ATXN2: variants seen among roughly 807,000 people sequenced by gnomAD.
ATXN2 encodes the protein ataxin-2.
In ATXN2, 37 loss-of-function variants were observed where a neutral mutation model predicts 138.6. The ratio of observed to expected loss-of-function variants is 0.27; its 90% CI spans 0.21 to 0.35. The LOEUF (loss-of-function observed/expected upper bound fraction) is 0.35, where lower values mean the gene tolerates loss of function less well. Ranked by LOEUF, ATXN2 falls within the 10% of genes least tolerant of loss-of-function variation. The pLI is 1.00. For missense variants in ATXN2, 1,216 were observed against 1,480.3 expected, an observed-to-expected ratio of 0.82 and a Z score of 2.93; for synonymous variants, 549 against 543.7, an observed-to-expected ratio of 1.01 and a Z score of -0.13.
In ATXN2 at chr12:111,495,645, A is replaced by T. The variant is rs183004070; in HGVS notation, c.1936-6865T>A. ...GAAACAGACCTCAGTAACAGTCGGA[A>T]ACTTCAACACCCCACTCTCAGCAAT... is the stretch of plus-strand genomic sequence containing the variant. On this transcript the variant is annotated intron_variant, in intron 14 of 24. Coordinates refer to ENST00000673436, the MANE Select transcript of ATXN2 (RefSeq NM_001372574.1). Among the ~76,000 whole-genome samples, 32 of 152,306 alleles carry T rather than the reference A, an allele frequency of 2.1e-4. No individual in the cohort carries two copies. The East Asian group carries it at 3.9e-3, about 18-fold the overall frequency.
chr12:111,466,939 G>C (rs545008890), intron 20 of ATXN2, among the ~76,000 whole-genome samples: 1 of 152,056 alleles, frequency 6.6e-6, no homozygotes, highest in East Asian at 1.9e-4. Flanking sequence ...AAATTGTTCA[G>C]GGAAGATGAG....
chr12:111,563,162 G>A (rs1308550951), intron 1 of ATXN2, among the ~76,000 whole-genome samples: 1 of 152,144 alleles, frequency 6.6e-6, no homozygotes, highest in Non-Finnish European at 1.5e-5. Flanking sequence ...CTTCAAAAGT[G>A]TCAAGTCATA....
chr12:111,486,215 T>C (rs1262649317), intron 16 of ATXN2, among the ~76,000 whole-genome samples: 1 of 152,232 alleles, frequency 6.6e-6, no homozygotes, highest in Non-Finnish European at 1.5e-5. Context: ...TTGGTTACAG[T>C]ACCCTGTGAA....
At chr12:111,570,841 T>G (rs879928844) in intron 1 of ATXN2, among the ~76,000 whole-genome samples, 1 of 152,210 alleles carries the variant, frequency 6.6e-6, no homozygotes, top group Admixed American at 6.5e-5. Context: ...TCTGACAGCA[T>G]CAAATGTGTA....
intron 21 of ATXN2, among the ~76,000 whole-genome samples, chr12:111,463,491 G>A (rs929922314): frequency 6.6e-6 from 1 of 152,126 alleles, no homozygotes; most frequent in Non-Finnish European, 1.5e-5. Context: ...TGGCCAGGCT[G>A]TTCTCGAACT....
At chr12:111,593,080 T>TTTTGTTTG (rs899049023) in intron 1 of ATXN2, among the ~76,000 whole-genome samples, 1 of 151,566 alleles carries the variant, frequency 6.6e-6, no homozygotes, top group Admixed American at 6.6e-5. Context: ...ATCCTCCTTT[T>TTTTGTTTG]TTTGTTTGTT....
At chr12:111,533,688 G>A (rs1880980676) in intron 5 of ATXN2, among the ~76,000 whole-genome samples, 1 of 152,118 alleles carries the variant, frequency 6.6e-6, no homozygotes. Flanking sequence ...ACCATGGCCA[G>A]CTAATTTTTT....
rs138023593 is a variant in ATXN2, at chr12:111,522,369, G to A, written c.697-1396C>T. On this transcript the variant is annotated intron_variant, in intron 6 of 24. Transcript: ENST00000673436. ...CTCATGCCTGGTATCCCAGCACTTT[G>A]GGAGGCCGAGGCAGGAGGATCACGA... Among the ~76,000 whole-genome samples, 4 of 152,318 alleles carry A rather than the reference G, an allele frequency of 2.6e-5. No individual in the cohort carries two copies. In the East Asian group the frequency reaches 5.8e-4, roughly 22 times the overall value.
chr12:111,537,595 G>GA (rs75118403), intron 5 of ATXN2, among the ~76,000 whole-genome samples: 11 of 133,580 alleles, frequency 8.2e-5, no homozygotes, highest in African/African-American at 2.3e-4. Context: ...AAAAAAAAAA[G>GA]AAAAAAAAAG....
chr12:111,488,663 T>C lies in ATXN2; in HGVS notation c.2053A>G (p.Ile685Val). 2 of 1,614,088 alleles carry C rather than the reference T, an allele frequency of 1.2e-6. No homozygotes were observed. The highest frequency in any genetic ancestry group is 2.2e-5 in the South Asian group (2 of 91,076). ...KIEPSAKDSF[I>V]ENSSSNCTSG... is the part of the protein sequence containing the mutation. ...GTACAGTTGCTGCTGCTATTTTCAATGAAAGAATCCTTAGCACTTGGTTCA... is the reference window on the plus strand; with the variant it reads ...GTACAGTTGCTGCTGCTATTTTCAACGAAAGAATCCTTAGCACTTGGTTCA... The change falls in exon 15 of 25, where the codon ATT (isoleucine) becomes GTT (valine). Residue 685 changes from isoleucine (I) to valine (V), a missense_variant. Around this residue, in one of 4 missense-constraint regions of ATXN2, gnomAD observed 490 missense variants for 653.5 expected, o/e 0.75. Transcript: ENST00000673436.
At chr12:111,504,890 C>G (rs1474551597) in intron 14 of ATXN2, among the ~76,000 whole-genome samples, 1 of 152,028 alleles carries the variant, frequency 6.6e-6, no homozygotes, top group African/African-American at 2.4e-5. Context: ...AAAGGGGTCC[C>G]GATCCAGACC....
chr12:111,572,588 G>A (rs1883390870), intron 1 of ATXN2, among the ~76,000 whole-genome samples: 1 of 152,132 alleles, frequency 6.6e-6, no homozygotes, highest in Non-Finnish European at 1.5e-5. Flanking sequence ...TAAACCCATG[G>A]ATAAAATTAA....
intron 18 of ATXN2, among the ~76,000 whole-genome samples, chr12:111,478,371 G>A (rs10160956): frequency 0.11 from 15,984 of 151,982 alleles, 2,823 homozygotes; most frequent in African/African-American, 0.36. Flanking sequence ...GCACCACTGC[G>A]TTCCAGCCTG....
intron 22 of ATXN2, 96 bp downstream of exon 22, chr12:111,457,118 C>A: frequency 7.1e-7 from 1 of 1,418,262 alleles, no homozygotes; most frequent in Non-Finnish European, 9.6e-7. Flanking sequence ...GTGGACATGC[C>A]ATGTGTTCTG....
chr12:111,463,097 A>G (rs1875716723), intron 21 of ATXN2, among the ~76,000 whole-genome samples: 1 of 152,180 alleles, frequency 6.6e-6, no homozygotes, highest in African/African-American at 2.4e-5. Context: ...AAATGCTAAT[A>G]TGGCATTTAG....
At chr12:111,569,612 G>C (rs1315148262) in intron 1 of ATXN2, among the ~76,000 whole-genome samples, 1 of 152,024 alleles carries the variant, frequency 6.6e-6, no homozygotes, top group Admixed American at 6.6e-5. Context: ...AGTTACTTGG[G>C]AGCTGAGGTG....
chr12:111,476,367 T>C (rs768829267), intron 18 of ATXN2, among the ~76,000 whole-genome samples: 165 of 152,166 alleles, frequency 1.1e-3, no homozygotes, highest in South Asian at 2.3e-3. Context: ...CACCTAACTG[T>C]ATGCTTAATA....
chr12:111,560,962 C>T (rs1351918657), intron 1 of ATXN2, among the ~76,000 whole-genome samples: 1 of 152,164 alleles, frequency 6.6e-6, no homozygotes, highest in Non-Finnish European at 1.5e-5. Context: ...CCCTGACTCA[C>T]GCCTGTAATC....
intron 3 of ATXN2, among the ~76,000 whole-genome samples, chr12:111,553,572 C>CAAAAAAAAAA (rs757837884): frequency 2.0e-5 from 1 of 48,916 alleles, no homozygotes; most frequent in Non-Finnish European, 3.5e-5. Flanking sequence ...TCTTTTTTCT[C>CAAAAAAAAAA]AAAAAAAAAA....
Sources: gnomAD v4.1 joint callset for allele counts (sites outside exome capture counted in the v4.1 genomes callset) on GRCh38, gnomAD v4.1.1 for gene constraint, gnomAD v4.1.1 regional missense constraint, MANE v1.5 for transcripts, NCBI Gene and HGNC (gene_info 2026-07-23, HGNC 2026-07-21) for gene names.